The following MINDY2 variants were observed in gnomAD, a reference collection of about 807,000 sequenced individuals.
MINDY2 encodes MINDY lysine 48 deubiquitinase 2.
Under a neutral mutation model 68.2 loss-of-function variants are expected in MINDY2, and 52 were observed. The observed-to-expected ratio is 0.76, with a 90% CI of 0.61 to 0.96. The LOEUF (loss-of-function observed/expected upper bound fraction) is 0.96. Ranked by LOEUF, MINDY2 falls within the 40% of genes least tolerant of loss-of-function variation. MINDY2 has a pLI of 0.00. For synonymous variants in MINDY2, 372 were observed against 303.0 expected, an observed-to-expected ratio of 1.23 and a Z score of -2.36; for missense variants, 881 against 773.4, an observed-to-expected ratio of 1.14 and a Z score of -1.65.
intron 1 of MINDY2, among the ~76,000 whole-genome samples, chr15:58,782,452 A>G (rs1188069951): frequency 6.6e-6 from 1 of 152,208 alleles, no homozygotes; most frequent in Non-Finnish European, 1.5e-5. Flanking sequence ...TCACAGTTCC[A>G]AAGCAGACAT....
chr15:58,828,786 C>T (rs2031559621), intron 5 of MINDY2, among the ~76,000 whole-genome samples: 2 of 151,854 alleles, frequency 1.3e-5, no homozygotes, highest in Admixed American at 1.3e-4. Flanking sequence ...TGGTCTCGAT[C>T]TCCTGACCTC....
chr15:58,808,218 A>G (rs563039985), intron 3 of MINDY2, among the ~76,000 whole-genome samples: 1 of 152,208 alleles, frequency 6.6e-6, no homozygotes, highest in Non-Finnish European at 1.5e-5. Flanking sequence ...TGGCAATGCC[A>G]CATCATTATC....
At position 58,771,417 on chromosome 15, in the gene MINDY2, C is replaced by T. The variant is rs1474550662; in HGVS notation, c.22C>T (p.Leu8=). MESSPES[L]QPLEHGVAAG... is the part of the protein sequence containing the mutation. ...CGGTATGGAGAGCAGCCCCGAGAGC[C>T]TGCAGCCGCTAGAACACGGGGTGGC... Residue 8 remains leucine (L), a synonymous_variant, in exon 1 of 9, where the codon CTG becomes TTG. Transcript: ENST00000559228. 46 of 1,611,118 alleles carry T rather than the reference C, an allele frequency of 2.9e-5. No individual in the cohort carries two copies. Among genetic ancestry groups the T allele is most frequent in the Non-Finnish European group, 3.9e-5 (46 of 1,179,408 alleles).
At chr15:58,783,918 C>A (rs1901317622) in intron 1 of MINDY2, among the ~76,000 whole-genome samples, 1 of 152,058 alleles carries the variant, frequency 6.6e-6, no homozygotes, top group African/African-American at 2.4e-5. Flanking sequence ...TGCACTCCAG[C>A]CTGGACGATA....
At chr15:58,785,639 A>G (rs941974603) in intron 1 of MINDY2, among the ~76,000 whole-genome samples, 1 of 152,198 alleles carries the variant, frequency 6.6e-6, no homozygotes, top group Non-Finnish European at 1.5e-5. Flanking sequence ...CTTTCTGCCC[A>G]GTTTTTCTGT....
intron 2 of MINDY2, among the ~76,000 whole-genome samples, chr15:58,794,529 A>G (rs1902158010): frequency 6.6e-6 from 1 of 152,072 alleles, no homozygotes; most frequent in South Asian, 2.1e-4. Context: ...AGCTAAGAAT[A>G]AAGGGGATTG....
rs574037076 is a variant in MINDY2, at chr15:58,835,246, T to C, written c.1368+3330T>C. Among the ~76,000 whole-genome samples, 10 of 152,356 alleles carry C rather than the reference T, an allele frequency of 6.6e-5. No individual in the cohort carries two copies. The South Asian group carries it at 1.9e-3, about 28-fold the overall frequency. ...CTATTGAGATACAGTTTGTTAAGGA[T>C]ACATATCACAAGCTGTGAGTGTTTT... On this transcript the variant is annotated intron_variant, in intron 6 of 8. Coordinates refer to ENST00000559228, the MANE Select transcript of MINDY2 (RefSeq NM_001040450.3).
At chr15:58,825,376 G>A (rs1487497793) in intron 5 of MINDY2, among the ~76,000 whole-genome samples, 5 of 152,026 alleles carry the variant, frequency 3.3e-5, no homozygotes, top group South Asian at 2.1e-4. Flanking sequence ...TTCGGGTGTC[G>A]ATACCTTTTT....
chr15:58,776,929 A>G (rs1297351985), intron 1 of MINDY2, among the ~76,000 whole-genome samples: 1 of 152,222 alleles, frequency 6.6e-6, no homozygotes, highest in African/African-American at 2.4e-5. Context: ...TCAGTTTGGC[A>G]AAGTAACCAT....
Position 58,787,896 on chromosome 15 carries a change from T to A in MINDY2, c.841-10T>A. On this transcript the variant is annotated splice_polypyrimidine_tract_variant and intron_variant, in intron 1 of 8. Coordinates refer to ENST00000559228, the MANE Select transcript of MINDY2 (RefSeq NM_001040450.3). Reference sequence around the variant, plus strand: ...ATTTAATTTTATAGAAATAATATTTTGTTTTTCAGGTGAAACTTCCACCGA... The same window carrying A: ...ATTTAATTTTATAGAAATAATATTTAGTTTTTCAGGTGAAACTTCCACCGA... 1 of 1,571,492 alleles carries A rather than the reference T, an allele frequency of 6.4e-7. No individual in the cohort carries two copies. Among genetic ancestry groups the A allele is most frequent in the Non-Finnish European group, 8.7e-7 (1 of 1,155,536 alleles).
intron 4 of MINDY2, among the ~76,000 whole-genome samples, chr15:58,812,625 C>T (rs2030370474): frequency 6.6e-6 from 1 of 152,076 alleles, no homozygotes; most frequent in African/African-American, 2.4e-5. Context: ...TTTGGGAGGC[C>T]AAGGCAAGAG....
rs765450984 is a variant in MINDY2 at position 58,771,392 on chromosome 15, C to G, written c.-4C>G. The G allele has an allele frequency of 6.2e-7, 1 of 1,604,304 alleles. No homozygotes were observed. On this transcript the variant is annotated 5_prime_UTR_variant, in exon 1 of 9. Transcript: ENST00000559228. Reference sequence around the variant, plus strand: ...TCCATAGAGCTGGGGGCGGGCGGCCCGGTATGGAGAGCAGCCCCGAGAGCC... The same window carrying G: ...TCCATAGAGCTGGGGGCGGGCGGCCGGGTATGGAGAGCAGCCCCGAGAGCC...
intron 4 of MINDY2, chr15:58,815,506 C>T (rs144566192): frequency 0.012 from 1,856 of 152,010 alleles, 22 homozygotes; most frequent in Non-Finnish European, 0.021. Context: ...CACACCAGCA[C>T]GCCTGGCAAT....
chr15:58,840,526 A>G (rs185892873), intron 6 of MINDY2, among the ~76,000 whole-genome samples: 1 of 152,068 alleles, frequency 6.6e-6, no homozygotes, highest in African/African-American at 2.4e-5. Context: ...AATTTCTGCT[A>G]TCATTTATAT....
chr15:58,851,639 C>A, intron 7 of MINDY2, 132 bp from the exon 8 acceptor site: 1 of 672,522 alleles, frequency 1.5e-6, no homozygotes. Flanking sequence ...CAGGGTCTTG[C>A]TATATTGCCC....
At chr15:58,854,293 A>G (rs1212105042) in intron 8 of MINDY2, among the ~76,000 whole-genome samples, 189 bp from the exon 9 acceptor site, 1 of 152,126 alleles carries the variant, frequency 6.6e-6, no homozygotes, top group South Asian at 2.1e-4. Flanking sequence ...TAATGAATAC[A>G]TTAATTATAT....
intron 6 of MINDY2, among the ~76,000 whole-genome samples, chr15:58,842,985 A>G (rs1209713559): frequency 6.6e-6 from 1 of 152,196 alleles, no homozygotes; most frequent in African/African-American, 2.4e-5. Context: ...GGATAAGACT[A>G]CATTTGTTAA....
At chr15:58,796,089 A>G (rs575079480) in intron 2 of MINDY2, 3 of 455,920 alleles carry the variant, frequency 6.6e-6, no homozygotes, top group African/African-American at 4.0e-5. Context: ...GTTGAAGAGT[A>G]TCTGGGAGGC....
chr15:58,821,954 A>C, intron 5 of MINDY2, 135 bp downstream of exon 5: 1 of 585,980 alleles, frequency 1.7e-6, no homozygotes, highest in Non-Finnish European at 2.8e-6. Context: ...AATTTTAAGA[A>C]GTAACCATCC....
Sources: gnomAD v4.1 joint callset for allele counts (sites outside exome capture counted in the v4.1 genomes callset) on GRCh38, gnomAD v4.1.1 for gene constraint, MANE v1.5 for transcripts, NCBI Gene and HGNC (gene_info 2026-07-23, HGNC 2026-07-21) for gene names.